Variants in FSIP2 observed in about 807,000 individuals in gnomAD.
FSIP2 encodes the protein fibrous sheath interacting protein 2.
Under a neutral mutation model 510.5 loss-of-function variants are expected in FSIP2, and 367 were observed. The observed-to-expected ratio is 0.72, with a 90% CI of 0.66 to 0.78. The LOEUF is 0.78. Ranked by LOEUF, FSIP2 falls within the 30% of genes least tolerant of loss-of-function variation. The pLI is 0.00. For synonymous variants in FSIP2, 2,601 were observed against 2,732.2 expected (o/e 0.95, Z 1.50); for missense variants, 7,594 against 7,901.7 (o/e 0.96, Z 1.48).
intron 13 of FSIP2, among the ~76,000 whole-genome samples, chr2:185,773,510 C>T (rs1165404325): frequency 6.6e-6 from 1 of 152,148 alleles, no homozygotes; most frequent in East Asian, 1.9e-4. Flanking sequence ...GGTTACTGAG[C>T]CTTTCTTAAC....
chr2:185,807,757 G>C lies in FSIP2; in HGVS notation c.18451G>C (p.Glu6151Gln). Residue 6151 changes from glutamate to glutamine, a missense_variant, in exon 17 of 23, where the codon GAA becomes CAA. Coordinates refer to ENST00000424728, the MANE Select transcript of FSIP2 (RefSeq NM_173651.4). The stretch of plus-strand genomic sequence containing the variant: ...GTGTGTGGAAGTTGAAAACATCGTT[G>C]AAAAGATCCTTAAAGATGTTTTCCA... Reference protein sequence around the residue: ...HQCVEVENIVEKILKDVFQTT... With the variant: ...HQCVEVENIVQKILKDVFQTT... 2 of 1,612,142 alleles carry C rather than the reference G, an allele frequency of 1.2e-6. No individual in the cohort carries two copies. Among genetic ancestry groups the C allele is most frequent in the Non-Finnish European group, 1.7e-6 (2 of 1,179,034 alleles).
At chr2:185,762,745 A>G (rs1692381864) in intron 11 of FSIP2, among the ~76,000 whole-genome samples, 1 of 151,350 alleles carries the variant, frequency 6.6e-6, no homozygotes, top group South Asian at 2.1e-4. Context: ...TATTGCAGTA[A>G]TCTTCCTCCA....
chr2:185,763,237 C>A lies in FSIP2; in HGVS notation c.1295C>A (p.Thr432Lys). 1 of 1,522,798 alleles carries A rather than the reference C, an allele frequency of 6.6e-7. No homozygotes were observed. The allele number at this position is 1,522,798 out of a possible 1,614,324, so 94.3% of individuals were successfully genotyped here. The change falls in exon 12 of 23, where the codon ACG (threonine) becomes AAG (lysine). Residue 432 changes from threonine (T) to lysine (K), a missense_variant. Thr to Lys is a moderately conservative substitution (Grantham distance 78, BLOSUM62 -1). Coordinates refer to ENST00000424728, the MANE Select transcript of FSIP2 (RefSeq NM_173651.4). ...ATTATTTCAGCGCAGGTATCACCCA[C>A]GAGAAATTTTTCCAGAGTTTCACAG... ...GSIISAQVSP[T>K]RNFSRVSQAF...
In FSIP2 at chr2:185,800,350, A is replaced by G; in HGVS notation, c.11044A>G (p.Ser3682Gly). ...AAGTTATCTTGCATGTAAGTTAAAC[A>G]GCCTGGTTGGTAACCTAAAAACAAG... is the stretch of plus-strand genomic sequence containing the variant. ...KLSYLACKLNSLVGNLKTSES... is the reference protein window; with the variant it reads ...KLSYLACKLNGLVGNLKTSES... The change falls in exon 17 of 23, where the codon AGC (serine) becomes GGC (glycine). Residue 3682 changes from serine to glycine, a missense_variant. Transcript: ENST00000424728. 6.5e-7 allele frequency: 1 copy of G among 1,530,794 alleles called. No homozygotes were observed. Among genetic ancestry groups the G allele is most frequent in the Non-Finnish European group, 8.7e-7 (1 of 1,144,690 alleles). The allele number at this position is 1,530,794 out of a possible 1,614,324, so 94.8% of individuals were successfully genotyped here.
intron 19 of FSIP2, among the ~76,000 whole-genome samples, chr2:185,822,493 C>T (rs1168140351): frequency 6.6e-6 from 1 of 151,834 alleles, no homozygotes; most frequent in Non-Finnish European, 1.5e-5. Flanking sequence ...CTTAGGAATA[C>T]ATTTAACCAA....
chr2:185,825,636 A>G (rs962614759), intron 20 of FSIP2, among the ~76,000 whole-genome samples: 1 of 151,810 alleles, frequency 6.6e-6, no homozygotes, highest in African/African-American at 2.4e-5. Flanking sequence ...GTGTTTTAAT[A>G]TGCTTTATCC....
chr2:185,765,643 A>G (rs1373028744), intron 13 of FSIP2: 2 of 151,968 alleles, frequency 1.3e-5, no homozygotes, highest in Non-Finnish European at 2.9e-5. Context: ...TTTTGGTTCC[A>G]TATGAACTTT....
In FSIP2 at chr2:185,753,858, T is replaced by C; in HGVS notation, c.991+16T>C. On this transcript the variant is annotated intron_variant, in intron 8 of 22. Transcript: ENST00000424728. ...GGAACACATGGTGAATGTGAGAACA[T>C]TAAAAGATGATGTAGCTAAGTAGAA... The C allele has an allele frequency of 7.0e-7, 1 of 1,431,974 alleles. No individual in the cohort carries two copies. Among genetic ancestry groups the C allele is most frequent in the Non-Finnish European group, 9.1e-7 (1 of 1,096,256 alleles). The allele number at this position is 1,431,974 out of a possible 1,614,324, so 88.7% of individuals were successfully genotyped here.
chr2:185,826,538 T>C (rs938626470), intron 20 of FSIP2, among the ~76,000 whole-genome samples: 2 of 151,826 alleles, frequency 1.3e-5, no homozygotes, highest in Non-Finnish European at 2.9e-5. Context: ...CACTCTGAAG[T>C]TGCAACTTAA....
At chr2:185,831,004 C>A (rs1694098353) in intron 21 of FSIP2, among the ~76,000 whole-genome samples, 1 of 151,822 alleles carries the variant, frequency 6.6e-6, no homozygotes, top group African/African-American at 2.4e-5. Context: ...ATCTTGTTTC[C>A]AATAGCTTAA....
At chr2:185,776,747 A>G (rs1391706401) in intron 13 of FSIP2, among the ~76,000 whole-genome samples, 1 of 151,996 alleles carries the variant, frequency 6.6e-6, no homozygotes. Flanking sequence ...TATTATTATT[A>G]TTTTGAGACA....
chr2:185,750,603 G>GTTTTTTTTTTT (rs71014622), intron 7 of FSIP2, among the ~76,000 whole-genome samples: 1 of 136,440 alleles, frequency 7.3e-6, no homozygotes. Context: ...GCATTTCTCT[G>GTTTTTTTTTTT]TTTTTTTTTT....
Position 185,743,245 on chromosome 2 carries a change from A to G in FSIP2, c.338A>G (p.Asp113Gly), listed in dbSNP as rs1264120720. The G allele has an allele frequency of 5.9e-6, 9 of 1,520,300 alleles. No individual in the cohort carries two copies. Among genetic ancestry groups the G allele is most frequent in the Non-Finnish European group, 6.1e-6 (7 of 1,141,914 alleles). The allele number at this position is 1,520,300 out of a possible 1,614,324, so 94.2% of individuals were successfully genotyped here. The change falls in exon 3 of 23, where the codon GAT (aspartate) becomes GGT (glycine). Residue 113 changes from aspartate to glycine, a missense_variant. Physicochemically the swap from Asp to Gly is moderately conservative, Grantham distance 94. Transcript: ENST00000424728. The stretch of plus-strand genomic sequence containing the variant: ...TTAAAAGCATACTATAAGCGCAAAG[A>G]TATTTTGAAGAGATTAAAGAAAGGT... ...PHLKAYYKRKDILKRLKKGGY... is the reference protein window; with the variant it reads ...PHLKAYYKRKGILKRLKKGGY...
At position 185,823,989 on chromosome 2, in the gene FSIP2, C is replaced by A. The variant is rs144542123; in HGVS notation, c.20427-445C>A. On this transcript the variant is annotated intron_variant, in intron 19 of 22. Transcript: ENST00000424728. Reference sequence around the variant, plus strand: ...AATTGGTATACGTCAGCAAAAAAGGCCAAATATTTCATGATTCTCATATGA... The same window carrying A: ...AATTGGTATACGTCAGCAAAAAAGGACAAATATTTCATGATTCTCATATGA... 3.2e-3 allele frequency among the ~76,000 whole-genome samples: 478 copies of A among 151,632 alleles called. 4 individuals are homozygous for A. The highest frequency in any genetic ancestry group is 0.011 in the African/African-American group (435 of 41,422).
chr2:185,804,179 G>A lies in FSIP2; in HGVS notation c.14873G>A (p.Cys4958Tyr). ...FLEEVISELL[C>Y]KILYAFSHNM... Reference sequence around the variant, plus strand: ...GAGGAAGTAATTTCTGAGCTCTTATGCAAAATTCTTTATGCATTTTCACAT... The same window carrying A: ...GAGGAAGTAATTTCTGAGCTCTTATACAAAATTCTTTATGCATTTTCACAT... The change falls in exon 17 of 23, where the codon TGC becomes TAC. Residue 4958 changes from cysteine (C) to tyrosine (Y), a missense_variant. Physicochemically the swap from Cys to Tyr is radical, Grantham distance 194. Transcript: ENST00000424728. 1 of 1,511,574 alleles carries A rather than the reference G, an allele frequency of 6.6e-7. No homozygotes were observed. The highest frequency in any genetic ancestry group is 1.3e-5 in the South Asian group (1 of 79,648). The allele number at this position is 1,511,574 out of a possible 1,614,324, so 93.6% of individuals were successfully genotyped here.
chr2:185,801,032 G>A lies in FSIP2; in HGVS notation c.11726G>A (p.Ser3909Asn). ...KSSLELRSYD[S>N]NSLTVSLNNP... is the part of the protein sequence containing the mutation. ...TCTTTAGAACTCAGGAGCTATGATA[G>A]TAATTCTTTGACAGTATCCCTGAAT... The change falls in exon 17 of 23, where the codon AGT becomes AAT. Residue 3909 changes from serine (S) to asparagine (N), a missense_variant. By Grantham distance (46) the Ser-to-Asn change is conservative. Transcript: ENST00000424728. 1 of 1,531,812 alleles carries A rather than the reference G, an allele frequency of 6.5e-7. No individual in the cohort carries two copies. The highest frequency in any genetic ancestry group is 1.2e-5 in the South Asian group (1 of 83,742). The allele number at this position is 1,531,812 out of a possible 1,614,324, so 94.9% of individuals were successfully genotyped here.
chr2:185,783,462 A>G (rs1369978606), intron 14 of FSIP2, among the ~76,000 whole-genome samples: 1 of 152,204 alleles, frequency 6.6e-6, no homozygotes. Context: ...TAGACTTTAC[A>G]AACCCCAAAT....
rs562497319 is a variant in FSIP2, at chr2:185,805,092, T to C, written c.15786T>C (p.Ser5262=). The change falls in exon 17 of 23, where the codon TCT becomes TCC. Residue 5262 remains serine, a synonymous_variant. Coordinates refer to ENST00000424728, the MANE Select transcript of FSIP2 (RefSeq NM_173651.4). The part of the protein sequence containing the change: ...DYDHVSELAK[S]GKEKTQPSLY... Reference sequence around the variant, plus strand: ...ACCATGTCTCTGAACTTGCTAAATCTGGTAAAGAAAAGACACAGCCTTCTC... The same window carrying C: ...ACCATGTCTCTGAACTTGCTAAATCCGGTAAAGAAAAGACACAGCCTTCTC... 5.3e-4 allele frequency: 852 copies of C among 1,605,902 alleles called. 4 individuals are homozygous for C. In the South Asian group the frequency reaches 7.4e-3, roughly 14 times the overall value.
rs1362442564 is a variant in FSIP2, at chr2:185,806,469, T to C, written c.17163T>C (p.Ile5721=). The change falls in exon 17 of 23, where the codon ATT becomes ATC. Residue 5721 remains isoleucine, a synonymous_variant. Coordinates refer to ENST00000424728, the MANE Select transcript of FSIP2 (RefSeq NM_173651.4). Reference sequence around the variant, plus strand: ...ATGTATTAAATGTAATTCAAGAGATTAGCAGGGATTCGGCACAGTCTGTTA... The same window carrying C: ...ATGTATTAAATGTAATTCAAGAGATCAGCAGGGATTCGGCACAGTCTGTTA... ...GDNVLNVIQE[I]SRDSAQSVTT... 6.2e-7 allele frequency: 1 copy of C among 1,611,228 alleles called. No homozygotes were observed. The highest frequency in any genetic ancestry group is 1.3e-5 in the African/African-American group (1 of 74,680).
Sources: allele counts gnomAD v4.1 joint callset (sites outside exome capture counted in the v4.1 genomes callset), GRCh38; gene constraint gnomAD v4.1.1; transcripts MANE v1.5; gene names NCBI Gene and HGNC (gene_info 2026-07-23, HGNC 2026-07-21).